The following GUCY1A2 variants were observed in gnomAD, a reference collection of about 807,000 sequenced individuals.
GUCY1A2 encodes the protein guanylate cyclase soluble subunit alpha-2.
In GUCY1A2, 27 loss-of-function variants were observed where a neutral mutation model predicts 63.5. The observed-to-expected ratio is 0.43, with a 90% CI of 0.31 to 0.59. The LOEUF (loss-of-function observed/expected upper bound fraction) is 0.59, where lower values mean the gene tolerates loss of function less well. Ranked by LOEUF, GUCY1A2 falls within the 20% of genes least tolerant of loss-of-function variation. The pLI is 0.11. For synonymous variants in GUCY1A2, 364 were observed against 343.5 expected (o/e 1.06, Z -0.66); for missense variants, 768 against 913.3 (o/e 0.84, Z 2.05).
At chr11:107,004,435 C>T (rs1861646851) in intron 1 of GUCY1A2, among the ~76,000 whole-genome samples, 1 of 152,094 alleles carries the variant, frequency 6.6e-6, no homozygotes, top group Admixed American at 6.6e-5. Context: ...TTCTCCTTCT[C>T]CCCTCCCCCA....
At chr11:106,712,761 T>C (rs1863142494) in intron 6 of GUCY1A2, among the ~76,000 whole-genome samples, 1 of 152,194 alleles carries the variant, frequency 6.6e-6, no homozygotes, top group African/African-American at 2.4e-5. Flanking sequence ...CCTTGAGTAC[T>C]CTCTGCAGTG....
chr11:106,941,199 G>A (rs1306469553), intron 3 of GUCY1A2, among the ~76,000 whole-genome samples: 1 of 152,192 alleles, frequency 6.6e-6, no homozygotes, highest in Non-Finnish European at 1.5e-5. Flanking sequence ...AAAGGTTATT[G>A]TTAAGTTTTC....
intron 4 of GUCY1A2, among the ~76,000 whole-genome samples, chr11:106,818,287 C>T (rs768142098): frequency 6.6e-6 from 1 of 152,254 alleles, no homozygotes; most frequent in Middle Eastern, 3.4e-3. Context: ...GTCTCTGTGT[C>T]ATATTTTGGC....
intron 1 of GUCY1A2, among the ~76,000 whole-genome samples, chr11:106,994,234 T>A (rs72996330): frequency 0.078 from 11,934 of 152,292 alleles, 660 homozygotes; most frequent in Middle Eastern, 0.14. Flanking sequence ...TAATTGATTA[T>A]ACTTAACATA....
intron 6 of GUCY1A2, among the ~76,000 whole-genome samples, chr11:106,764,978 G>GT (rs1555028454): frequency 5.5e-5 from 5 of 90,826 alleles, no homozygotes; most frequent in South Asian, 7.7e-4. Flanking sequence ...TTTGGGGGGG[G>GT]GTTGGGGGGC....
At position 106,918,346 on chromosome 11, in the gene GUCY1A2, A is replaced by G. The variant is rs540589950; in HGVS notation, c.1206+21114T>C. Among the ~76,000 whole-genome samples the G allele has an allele frequency of 2.1e-4, 31 of 145,638 alleles. 8 individuals carry two copies. The highest frequency in any genetic ancestry group is 1.7e-4 in the Non-Finnish European group (11 of 64,868). ...GAATGCAGCACTTGGCAACTGTCCA[A>G]TTTGCCTTCCCTTTAATTCTGCTCT... On this transcript the variant is annotated intron_variant, in intron 4 of 7. Transcript: ENST00000526355.
chr11:106,764,604 A>G (rs1864125620), intron 6 of GUCY1A2, among the ~76,000 whole-genome samples: 1 of 152,156 alleles, frequency 6.6e-6, no homozygotes. Flanking sequence ...ATATACACAT[A>G]CATGTAAATA....
chr11:106,968,488 G>A (rs1007915334), intron 3 of GUCY1A2, among the ~76,000 whole-genome samples: 2 of 152,128 alleles, frequency 1.3e-5, no homozygotes, highest in African/African-American at 4.8e-5. Context: ...TCTGGACAAT[G>A]TTCAATCCTG....
intron 2 of GUCY1A2, among the ~76,000 whole-genome samples, chr11:106,980,325 T>TG (rs1326647463): frequency 6.6e-6 from 1 of 152,134 alleles, no homozygotes; most frequent in Non-Finnish European, 1.5e-5. Context: ...AGTCCTTAGG[T>TG]GCAGGAGCTG....
intron 4 of GUCY1A2, among the ~76,000 whole-genome samples, chr11:106,911,959 C>T (rs1860301302): frequency 6.6e-6 from 1 of 151,848 alleles, no homozygotes; most frequent in Non-Finnish European, 1.5e-5. Flanking sequence ...TTTTTGAATC[C>T]ATATAGAATA....
intron 4 of GUCY1A2, among the ~76,000 whole-genome samples, chr11:106,875,755 T>C (rs1291533052): frequency 2.0e-5 from 3 of 152,066 alleles, no homozygotes; most frequent in Non-Finnish European, 4.4e-5. Context: ...AATTCATGTA[T>C]TGCAATAGGG....
chr11:106,888,830 C>A (rs1859936469), intron 4 of GUCY1A2, among the ~76,000 whole-genome samples: 3 of 152,166 alleles, frequency 2.0e-5, no homozygotes, highest in Non-Finnish European at 2.9e-5. Context: ...TATCCTCCTA[C>A]TTTGGCCCAT....
At chr11:106,787,564 G>T (rs1223930606) in intron 5 of GUCY1A2, among the ~76,000 whole-genome samples, 2 of 140,190 alleles carry the variant, frequency 1.4e-5, no homozygotes, top group Non-Finnish European at 3.1e-5. Context: ...AAGAGAGAGA[G>T]ACAGAGACAG....
intron 4 of GUCY1A2, among the ~76,000 whole-genome samples, chr11:106,868,017 C>A (rs569539795): frequency 6.6e-6 from 1 of 151,996 alleles, no homozygotes; most frequent in Non-Finnish European, 1.5e-5. Flanking sequence ...GACAGATATG[C>A]AGAACAAACT....
chr11:106,939,826 A>G lies in GUCY1A2; in HGVS notation c.840T>C (p.Val280=). 1 of 1,613,866 alleles carries G rather than the reference A, an allele frequency of 6.2e-7. No homozygotes were observed. The highest frequency in any genetic ancestry group is 8.5e-7 in the Non-Finnish European group (1 of 1,179,744). ...GACAGCTACAATTGCCTGGGTTTGA[A>G]ACATCAGAGCATAGCTTCTCATTTG... ...QVANEKLCSD[V]SNPGNCSCLT... is the part of the protein sequence containing the mutation. The change falls in exon 4 of 8, where the codon GTT becomes GTC. Residue 280 remains valine (V), a synonymous_variant. Transcript: ENST00000526355.
In GUCY1A2 at chr11:106,950,578, G is replaced by A. The variant is rs1278093437; in HGVS notation, c.488-10400C>T. Among the ~76,000 whole-genome samples, 3 of 152,036 alleles carry A rather than the reference G, an allele frequency of 2.0e-5. No homozygotes were observed. In the South Asian group the frequency reaches 6.2e-4, roughly 32 times the overall value. On this transcript the variant is annotated intron_variant, in intron 3 of 7. Transcript: ENST00000526355. ...TTTACTTTTTACCAGTCTCTTACCCGCTGGTGAAGAAGGTGGGGGAGGGGA... is the reference window on the plus strand; with the variant it reads ...TTTACTTTTTACCAGTCTCTTACCCACTGGTGAAGAAGGTGGGGGAGGGGA...
At chr11:107,014,653 T>A (rs1861795681) in intron 1 of GUCY1A2, among the ~76,000 whole-genome samples, 1 of 152,174 alleles carries the variant, frequency 6.6e-6, no homozygotes, top group Non-Finnish European at 1.5e-5. Flanking sequence ...AGTGTGGATA[T>A]CCCATGGGTC....
chr11:106,952,798 C>T (rs1475206082), intron 3 of GUCY1A2, among the ~76,000 whole-genome samples: 1 of 152,050 alleles, frequency 6.6e-6, no homozygotes, highest in Non-Finnish European at 1.5e-5. Flanking sequence ...CACTACCACA[C>T]CTGGCTAATT....
At position 106,986,594 on chromosome 11, in the gene GUCY1A2, G is replaced by C. The variant is rs773522750; in HGVS notation, c.304-463C>G. Among the ~76,000 whole-genome samples the C allele has an allele frequency of 2.0e-5, 3 of 152,274 alleles. No individual in the cohort carries two copies. The East Asian group carries it at 5.8e-4, about 29-fold the overall frequency. Reference sequence around the variant, plus strand: ...TAACAAGGTTTTCAAGGATGGTCTAGCAAGCAGTGATAAATTGAGTTAAAA... The same window carrying C: ...TAACAAGGTTTTCAAGGATGGTCTACCAAGCAGTGATAAATTGAGTTAAAA... On this transcript the variant is annotated intron_variant, in intron 1 of 7. Coordinates refer to ENST00000526355, the MANE Select transcript of GUCY1A2 (RefSeq NM_000855.3).
Sources: allele counts gnomAD v4.1 joint callset (sites outside exome capture counted in the v4.1 genomes callset), GRCh38; gene constraint gnomAD v4.1.1; transcripts MANE v1.5; gene names NCBI Gene and HGNC (gene_info 2026-07-23, HGNC 2026-07-21).